POLK: variants seen among roughly 807,000 people sequenced by gnomAD.
The protein encoded by POLK is DNA polymerase kappa, also known as polymerase (DNA directed) kappa.
A neutral mutation model predicts 94.0 loss-of-function variants in POLK; 76 were observed. The ratio of observed to expected loss-of-function variants is 0.81; its 90% CI spans 0.67 to 0.98. The LOEUF (loss-of-function observed/expected upper bound fraction) is 0.98. Among genes scored for constraint, POLK ranks in the 50% least tolerant of loss-of-function variants. The pLI is 0.00. For synonymous variants in POLK, 349 were observed against 325.4 expected, an observed-to-expected ratio of 1.07 and a Z score of -0.78; for missense variants, 954 against 1,010.1, an observed-to-expected ratio of 0.94 and a Z score of 0.75.
exon 13 of POLK, chr5:75,596,329 A>G (rs1220453018): frequency 6.2e-7 from 1 of 1,612,572 alleles, no homozygotes; most frequent in Non-Finnish European, 8.5e-7. Flanking sequence ...CACTGAGTGT[A>G]CATTAGAGAA....
At chr5:75,567,449 T>C (rs1041743184) in intron 3 of POLK, among the ~76,000 whole-genome samples, 2 of 152,244 alleles carry the variant, frequency 1.3e-5, no homozygotes, top group African/African-American at 4.8e-5. Flanking sequence ...TTGGTAATAT[T>C]GAAAGGTTCC....
intron 3 of POLK, among the ~76,000 whole-genome samples, chr5:75,560,847 T>C (rs1458611130): frequency 3.3e-5 from 5 of 151,498 alleles, no homozygotes; most frequent in Admixed American, 3.3e-4. Flanking sequence ...AGGACATGAA[T>C]TCATTTTTTA....
exon 5 of POLK, chr5:75,573,806 G>C (rs1196042791): frequency 1.2e-6 from 2 of 1,613,056 alleles, no homozygotes; most frequent in Admixed American, 3.3e-5. Context: ...TTGCTAAGAG[G>C]CTGTGCCCAC....
At chr5:75,537,705 C>A (rs1170121149) in intron 1 of POLK, among the ~76,000 whole-genome samples, 1 of 151,772 alleles carries the variant, frequency 6.6e-6, no homozygotes. Flanking sequence ...GTTTGTTGTG[C>A]CTTTTGTGCT....
intron 3 of POLK, among the ~76,000 whole-genome samples, chr5:75,565,713 G>T (rs899199327): frequency 3.9e-5 from 6 of 152,202 alleles, no homozygotes; most frequent in Admixed American, 3.3e-4. Context: ...AGTGGAGGCT[G>T]CAGAACAGCA....
intron 1 of POLK, chr5:75,534,985 A>G (rs2112585763): frequency 6.6e-6 from 1 of 152,192 alleles, no homozygotes; most frequent in South Asian, 2.1e-4. Context: ...ATGTGTGCGG[A>G]TTTGATGCTG....
chr5:75,539,392 T>C (rs548373204), intron 1 of POLK, among the ~76,000 whole-genome samples: 1 of 152,342 alleles, frequency 6.6e-6, no homozygotes, highest in South Asian at 2.1e-4. Context: ...TGATTTGCTA[T>C]GGAAACCATC....
intron 11 of POLK, among the ~76,000 whole-genome samples, chr5:75,591,503 G>C (rs1415596003): frequency 2.0e-5 from 3 of 151,982 alleles, no homozygotes; most frequent in Non-Finnish European, 4.4e-5. Flanking sequence ...TCCTCACCTG[G>C]TTTCCTCCAT....
intron 1 of POLK, among the ~76,000 whole-genome samples, chr5:75,538,393 C>A (rs1349432517): frequency 1.3e-5 from 2 of 152,204 alleles, no homozygotes; most frequent in Non-Finnish European, 2.9e-5. Context: ...ATTAAGCTAA[C>A]ATAAACCACA....
chr5:75,583,254 A>G (rs753989834), intron 7 of POLK, 39 bp from the exon 8 acceptor site: 5 of 1,491,950 alleles, frequency 3.4e-6, no homozygotes, highest in East Asian at 2.4e-5. Flanking sequence ...AGTCATACAT[A>G]TCAACTTCTT....
chr5:75,511,575 C>G, upstream of POLK: 1 of 1,461,252 alleles, frequency 6.8e-7, no homozygotes, highest in Non-Finnish European at 9.0e-7. Flanking sequence ...CGCTGAGTCC[C>G]GCGTCCACTC....
intron 9 of POLK, among the ~76,000 whole-genome samples, 185 bp from the exon 10 acceptor site, chr5:75,586,841 T>TGC (rs1772496305): frequency 6.6e-6 from 1 of 152,172 alleles, no homozygotes; most frequent in African/African-American, 2.4e-5. Context: ...CATAATCATA[T>TGC]TAGCATCTTA....
chr5:75,604,073 TA>T (rs1423408847), downstream of POLK, among the ~76,000 whole-genome samples: 1 of 152,188 alleles, frequency 6.6e-6, no homozygotes, highest in Admixed American at 6.5e-5. Context: ...AATGAATAAA[TA>T]GTATGTGTCC....
chr5:75,527,071 G>T (rs1768895801), intron 1 of POLK, among the ~76,000 whole-genome samples: 1 of 152,142 alleles, frequency 6.6e-6, no homozygotes, highest in African/African-American at 2.4e-5. Flanking sequence ...GATATGAATG[G>T]TAGTGAAAGA....
chr5:75,561,587 T>C (rs1770980436), intron 3 of POLK, among the ~76,000 whole-genome samples: 1 of 152,250 alleles, frequency 6.6e-6, no homozygotes, highest in East Asian at 1.9e-4. Context: ...TGCCCATGCC[T>C]GTGTCCTGAA....
chr5:75,594,154 A>G, intron 12 of POLK, 105 bp downstream of exon 12: 1 of 720,256 alleles, frequency 1.4e-6, no homozygotes, highest in Admixed American at 2.5e-5. Flanking sequence ...GGTTCAACTT[A>G]ATGATTTTTC....
chr5:75,581,674 C>CT, intron 7 of POLK: 1 of 434,464 alleles, frequency 2.3e-6, no homozygotes, highest in South Asian at 3.1e-5. Context: ...TTATACGTTT[C>CT]TTTCTTTTTT....
intron 1 of POLK, among the ~76,000 whole-genome samples, chr5:75,519,006 C>G (rs975282362): frequency 6.6e-5 from 10 of 152,054 alleles, no homozygotes; most frequent in African/African-American, 2.4e-4. Flanking sequence ...CCACCAAGCC[C>G]AGCCAGCCCA....
chr5:75,589,677 G>A (rs1022023681), intron 10 of POLK, among the ~76,000 whole-genome samples: 2 of 152,182 alleles, frequency 1.3e-5, no homozygotes, highest in African/African-American at 2.4e-5. Context: ...AGAGAACTGA[G>A]TAGCTGAGGA....
Sources: allele counts gnomAD v4.1 joint callset (sites outside exome capture counted in the v4.1 genomes callset), GRCh38; gene constraint gnomAD v4.1.1; transcripts MANE v1.5; gene names NCBI Gene and HGNC (gene_info 2026-07-23, HGNC 2026-07-21).